PPM1H: variants seen among roughly 807,000 people sequenced by gnomAD.
PPM1H encodes the protein protein phosphatase 1H.
Under a neutral mutation model 54.9 loss-of-function variants are expected in PPM1H, and 27 were observed. The ratio of observed to expected loss-of-function variants is 0.49; its 90% confidence interval spans 0.36 to 0.68. PPM1H has a LOEUF of 0.68. Among genes scored for constraint, PPM1H ranks in the 30% least tolerant of loss-of-function variants. The pLI is 0.00. For synonymous variants in PPM1H, 305 were observed against 270.8 expected (o/e 1.13, Z -1.24); for missense variants, 596 against 667.8 (o/e 0.89, Z 1.19).
At chr12:62,825,635 A>G (rs1868281816) in intron 2 of PPM1H, among the ~76,000 whole-genome samples, 1 of 152,210 alleles carries the variant, frequency 6.6e-6, no homozygotes, top group Non-Finnish European at 1.5e-5. Flanking sequence ...TCACAAGGAC[A>G]GAAAACCAAA....
At chr12:62,897,873 G>A (rs1871044146) in intron 1 of PPM1H, among the ~76,000 whole-genome samples, 2 of 152,140 alleles carry the variant, frequency 1.3e-5, no homozygotes, top group South Asian at 4.1e-4. Flanking sequence ...GAAGTGATGT[G>A]GGGAACAGAA....
At chr12:62,883,197 C>G (rs1202120982) in intron 1 of PPM1H, among the ~76,000 whole-genome samples, 3 of 152,190 alleles carry the variant, frequency 2.0e-5, no homozygotes, top group Admixed American at 6.5e-5. Flanking sequence ...CAGCTCACCT[C>G]TCAGACATAC....
intron 4 of PPM1H, among the ~76,000 whole-genome samples, chr12:62,750,479 A>G (rs1175308281): frequency 6.6e-6 from 1 of 152,264 alleles, no homozygotes; most frequent in Non-Finnish European, 1.5e-5. Flanking sequence ...GCTAAATAAT[A>G]TTCCATCACA....
chr12:62,896,645 G>A (rs1240812456), intron 1 of PPM1H, among the ~76,000 whole-genome samples: 1 of 152,198 alleles, frequency 6.6e-6, no homozygotes, highest in African/African-American at 2.4e-5. Flanking sequence ...CTTTTACACT[G>A]TTGGTGGGAC....
rs1408789931 is a variant in PPM1H at position 62,646,166 on chromosome 12, GA to G, written c.*2322del. On this transcript the variant is annotated 3_prime_UTR_variant, in exon 10 of 10. Coordinates refer to ENST00000228705, the MANE Select transcript of PPM1H (RefSeq NM_020700.2). ...AGGGGGCGTAGGAAAACAATTCCTG[GA>G]TGCCTTTCTAACTAAAACCAGCAGG... 6.6e-5 allele frequency: 10 copies of G among 152,110 alleles called. No individual in the cohort carries two copies. Among genetic ancestry groups the G allele is most frequent in the Non-Finnish European group, 1.5e-4 (10 of 68,030 alleles). 9.4% of individuals were successfully genotyped at this position (152,110 alleles called of 1,614,324 possible).
chr12:62,745,202 T>C (rs1453008092), intron 4 of PPM1H, among the ~76,000 whole-genome samples: 1 of 151,930 alleles, frequency 6.6e-6, no homozygotes, highest in South Asian at 2.1e-4. Flanking sequence ...TTTTAAAAAA[T>C]TTTATTATTT....
chr12:62,719,310 A>G (rs1281174816), intron 6 of PPM1H, among the ~76,000 whole-genome samples: 2 of 152,168 alleles, frequency 1.3e-5, no homozygotes, highest in Non-Finnish European at 2.9e-5. Flanking sequence ...TACTTAATCT[A>G]CTTCTTTGAC....
At chr12:62,745,673 T>G (rs977979795) in intron 4 of PPM1H, among the ~76,000 whole-genome samples, 1 of 152,226 alleles carries the variant, frequency 6.6e-6, no homozygotes, top group Non-Finnish European at 1.5e-5. Flanking sequence ...AGCCAGTGAC[T>G]GAATCTTCTT....
intron 2 of PPM1H, among the ~76,000 whole-genome samples, chr12:62,817,318 C>G (rs1233950805): frequency 6.6e-6 from 1 of 151,212 alleles, no homozygotes. Flanking sequence ...AAAAATTAGC[C>G]GGGCGTGGTG....
intron 1 of PPM1H, among the ~76,000 whole-genome samples, chr12:62,842,377 A>T (rs1868784760): frequency 6.6e-6 from 1 of 151,966 alleles, no homozygotes; most frequent in Admixed American, 6.6e-5. Flanking sequence ...TAATTTAAAC[A>T]AAATTTTTTT....
intron 1 of PPM1H, among the ~76,000 whole-genome samples, chr12:62,837,063 T>G (rs1489589397): frequency 4.6e-5 from 7 of 152,176 alleles, no homozygotes; most frequent in Non-Finnish European, 8.8e-5. Flanking sequence ...AAGGAGCAAA[T>G]GATTCATTCT....
chr12:62,799,395 T>C (rs1443344726), intron 3 of PPM1H, among the ~76,000 whole-genome samples: 1 of 152,198 alleles, frequency 6.6e-6, no homozygotes, highest in Non-Finnish European at 1.5e-5. Flanking sequence ...CTGAAGGAAA[T>C]GAAAATCTCA....
chr12:62,838,744 AC>A (rs1868597606), intron 1 of PPM1H, among the ~76,000 whole-genome samples: 1 of 115,040 alleles, frequency 8.7e-6, no homozygotes, highest in Non-Finnish European at 1.8e-5. Context: ...ACACGGTGAA[AC>A]CCCGTCTCTA....
At chr12:62,765,986 A>T (rs925783063) in intron 4 of PPM1H, among the ~76,000 whole-genome samples, 1 of 152,248 alleles carries the variant, frequency 6.6e-6, no homozygotes, top group African/African-American at 2.4e-5. Context: ...AGGGCTTTCA[A>T]CAAGGAAGTG....
intron 2 of PPM1H, among the ~76,000 whole-genome samples, chr12:62,810,299 C>G (rs934518766): frequency 6.6e-6 from 1 of 152,126 alleles, no homozygotes; most frequent in Non-Finnish European, 1.5e-5. Flanking sequence ...AGGACTGTGT[C>G]CTCTCAGCTC....
chr12:62,796,549 G>A (rs956844300), intron 3 of PPM1H, among the ~76,000 whole-genome samples: 1 of 152,204 alleles, frequency 6.6e-6, no homozygotes. Flanking sequence ...ATGAAGAGAT[G>A]CATACGGTGT....
chr12:62,771,524 C>T lies in PPM1H; in HGVS notation c.869+16702G>A, dbSNP rs188744476. On this transcript the variant is annotated intron_variant, in intron 4 of 9. Transcript: ENST00000228705. ...AAAAGTTCACCACATGCTTTTACAT[C>T]AGCCCAAAAGTTCATGTAGCCCTTT... is the stretch of plus-strand genomic sequence containing the variant. Among the ~76,000 whole-genome samples the T allele has an allele frequency of 7.3e-3, 1,110 of 151,912 alleles. 9 individuals carry two copies. The highest frequency in any genetic ancestry group is 0.025 in the African/African-American group (1,046 of 41,182).
Position 62,647,335 on chromosome 12 carries a change from A to G in PPM1H, c.*1154T>C, listed in dbSNP as rs916819767. The G allele has an allele frequency of 6.6e-6, 1 of 152,240 alleles. No homozygotes were observed. The highest frequency in any genetic ancestry group is 1.5e-5 in the Non-Finnish European group (1 of 68,056). 9.4% of individuals were successfully genotyped at this position (152,240 alleles called of 1,614,324 possible). A position where few individuals can be genotyped will look rare whatever the true frequency, so the allele number is the denominator to read the frequency against. On this transcript the variant is annotated 3_prime_UTR_variant, in exon 10 of 10. Coordinates refer to ENST00000228705, the MANE Select transcript of PPM1H (RefSeq NM_020700.2). ...TAAAGTGCCCCCCGAGGGGCCTTGC[A>G]CAAAGATGATGGGGAGAGCAGAACT...
chr12:62,787,335 G>T (rs866532510), intron 4 of PPM1H, among the ~76,000 whole-genome samples: 3 of 152,178 alleles, frequency 2.0e-5, no homozygotes, highest in Non-Finnish European at 4.4e-5. Flanking sequence ...CAGCCCTTCG[G>T]GGGGAAGAGT....
Sources: gnomAD v4.1 joint callset for allele counts (sites outside exome capture counted in the v4.1 genomes callset) on GRCh38, gnomAD v4.1.1 for gene constraint, MANE v1.5 for transcripts, NCBI Gene and HGNC (gene_info 2026-07-23, HGNC 2026-07-21) for gene names.